The following ANO2 variants were observed in gnomAD, a reference collection of about 807,000 sequenced individuals.
ANO2 encodes anoctamin 2.
Under a neutral mutation model 124.2 loss-of-function variants are expected in ANO2, and 101 were observed. That is an observed-to-expected ratio of 0.81 (90% CI 0.69 to 0.96). ANO2 has a LOEUF of 0.96. Ranked by LOEUF, ANO2 falls within the 40% of genes least tolerant of loss-of-function variation. ANO2 has a pLI of 0.00. For missense variants in ANO2, 1,293 were observed against 1,274.5 expected, an observed-to-expected ratio of 1.01 and a Z score of -0.22; for synonymous variants, 486 against 482.5, an observed-to-expected ratio of 1.01 and a Z score of -0.09.
At chr12:5,899,147 A>G (rs1474715296) in intron 3 of ANO2, among the ~76,000 whole-genome samples, 3 of 152,178 alleles carry the variant, frequency 2.0e-5, no homozygotes, top group Non-Finnish European at 4.4e-5. Flanking sequence ...CAGTAAACTC[A>G]TTGATTGAGA....
chr12:5,612,446 A>C (rs546798874), intron 19 of ANO2, among the ~76,000 whole-genome samples: 1 of 152,306 alleles, frequency 6.6e-6, no homozygotes. Flanking sequence ...GTACTTAAGC[A>C]AAGGGTAAAT....
At chr12:5,783,216 T>G (rs1952452667) in intron 10 of ANO2, among the ~76,000 whole-genome samples, 1 of 152,224 alleles carries the variant, frequency 6.6e-6, no homozygotes, top group Non-Finnish European at 1.5e-5. Context: ...GACTTTACAT[T>G]TATCATGATT....
intron 14 of ANO2, among the ~76,000 whole-genome samples, chr12:5,726,054 T>C (rs982206944): frequency 2.6e-5 from 4 of 151,828 alleles, no homozygotes; most frequent in East Asian, 1.9e-4. Flanking sequence ...ACAGAGAGAA[T>C]TGGTGACCTG....
chr12:5,617,672 G>A (rs1377425104), intron 16 of ANO2, among the ~76,000 whole-genome samples: 4 of 148,544 alleles, frequency 2.7e-5, no homozygotes, highest in African/African-American at 9.9e-5. Context: ...TCCAGATTAC[G>A]TCGTACCGCA....
intron 14 of ANO2, among the ~76,000 whole-genome samples, chr12:5,703,422 T>C (rs933635294): frequency 1.3e-5 from 2 of 152,360 alleles, no homozygotes; most frequent in Non-Finnish European, 2.9e-5. Flanking sequence ...GGCGCCCACA[T>C]GCTTCAATTA....
Position 5,636,030 on chromosome 12 carries a change from G to A in ANO2, c.1621-683C>T, listed in dbSNP as rs1303699462. 6.6e-6 allele frequency among the ~76,000 whole-genome samples: 1 copy of A among 152,124 alleles called. No individual in the cohort carries two copies. The highest frequency in any genetic ancestry group is 1.5e-5 in the Non-Finnish European group (1 of 68,016). ...TTTTAGGAATCTCAGTCCTCAAGAT[G>A]AACAAAATATCACTGTAAGATTTCT... On this transcript the variant is annotated intron_variant, in intron 15 of 24. Transcript: ENST00000682330. The surrounding 1 kb of genome is among the most constrained non-coding windows in gnomAD (Gnocchi z 4.6).
chr12:5,832,496 C>T lies in ANO2; in HGVS notation c.741G>A (p.Lys247=). The part of the protein sequence containing the change: ...QPRVPEHSNN[K]MKNLSYPFSR... ...AGAATGGGTAGGAGAGGTTTTTCAT[C>T]TTGTTGTTGCTGTGTTCTGGAACTC... Residue 247 remains lysine (K), a synonymous_variant, in exon 5 of 25, where the codon AAG becomes AAA. Coordinates refer to ENST00000682330, the MANE Select transcript of ANO2 (RefSeq NM_001364791.2). 3 of 1,613,988 alleles carry T rather than the reference C, an allele frequency of 1.9e-6. No individual in the cohort carries two copies. The highest frequency in any genetic ancestry group is 2.5e-6 in the Non-Finnish European group (3 of 1,179,888).
chr12:5,603,881 G>T (rs778449869), intron 19 of ANO2, among the ~76,000 whole-genome samples: 4 of 145,592 alleles, frequency 2.7e-5, no homozygotes, highest in African/African-American at 5.1e-5. Context: ...GGAGGCGGAG[G>T]TTGCAGTGAG....
At chr12:5,626,583 C>T (rs1476534846) in intron 16 of ANO2, among the ~76,000 whole-genome samples, 3 of 151,944 alleles carry the variant, frequency 2.0e-5, no homozygotes, top group African/African-American at 4.8e-5. Context: ...TGTTTAACTT[C>T]GGATGTTGGC....
At chr12:5,577,688 G>T (rs986899966) in intron 22 of ANO2, among the ~76,000 whole-genome samples, 5 of 152,212 alleles carry the variant, frequency 3.3e-5, no homozygotes, top group African/African-American at 1.2e-4. Context: ...GGAAAGATCT[G>T]ATTTTGACCG....
At chr12:5,571,473 G>A (rs181924991) in intron 23 of ANO2, among the ~76,000 whole-genome samples, 3 of 152,194 alleles carry the variant, frequency 2.0e-5, no homozygotes, top group East Asian at 3.9e-4. Context: ...GGTTGGAGTC[G>A]GAGACCTCAG....
chr12:5,593,573 ATCACCGTAT>A (rs1479521520), intron 20 of ANO2, among the ~76,000 whole-genome samples: 1 of 152,216 alleles, frequency 6.6e-6, no homozygotes, highest in Admixed American at 6.5e-5. Context: ...ACCTCCAGAG[ATCACCGTAT>A]TCAGGAGCTT....
intron 7 of ANO2, among the ~76,000 whole-genome samples, chr12:5,810,667 G>A (rs1038687044): frequency 1.3e-5 from 2 of 152,168 alleles, no homozygotes; most frequent in Non-Finnish European, 2.9e-5. Flanking sequence ...CAGGAACAAC[G>A]TCTCAGCTCA....
intron 7 of ANO2, among the ~76,000 whole-genome samples, chr12:5,817,710 G>A (rs936845693): frequency 3.3e-5 from 5 of 152,186 alleles, no homozygotes; most frequent in Non-Finnish European, 5.9e-5. Context: ...AGAGAGAGGA[G>A]AGAAGTGGAT....
At chr12:5,672,691 C>T (rs1461395503) in intron 14 of ANO2, among the ~76,000 whole-genome samples, 1 of 152,084 alleles carries the variant, frequency 6.6e-6, no homozygotes, top group Admixed American at 6.6e-5. Context: ...CAGAAGAGAT[C>T]CAATACAGTG....
chr12:5,617,908 A>G (rs1029520013), intron 16 of ANO2, among the ~76,000 whole-genome samples: 1 of 152,206 alleles, frequency 6.6e-6, no homozygotes, highest in Non-Finnish European at 1.5e-5. Flanking sequence ...AATAGTCATT[A>G]TCACTGATTC....
intron 16 of ANO2, among the ~76,000 whole-genome samples, chr12:5,629,155 C>T (rs377609705): frequency 6.6e-6 from 1 of 151,986 alleles, no homozygotes. Context: ...GGTTGGACGG[C>T]GAGGGAGGGA....
chr12:5,679,900 A>G (rs1047853920), intron 14 of ANO2, among the ~76,000 whole-genome samples: 1 of 152,246 alleles, frequency 6.6e-6, no homozygotes, highest in African/African-American at 2.4e-5. Flanking sequence ...ATGCCCATCA[A>G]TGATAGACTA....
At chr12:5,812,930 AAG>A (rs1310462275) in intron 7 of ANO2, among the ~76,000 whole-genome samples, 8 of 141,192 alleles carry the variant, frequency 5.7e-5, no homozygotes, top group African/African-American at 7.9e-5. Context: ...AAGAGAGAGA[AAG>A]AGAGGAAGGA....
Sources: gnomAD v4.1 joint callset for allele counts (sites outside exome capture counted in the v4.1 genomes callset) on GRCh38, gnomAD v4.1.1 for gene constraint, Gnocchi (gnomAD v3.1) non-coding constraint, MANE v1.5 for transcripts, NCBI Gene and HGNC (gene_info 2026-07-23, HGNC 2026-07-21) for gene names.